LMBRD2: variants seen among roughly 807,000 people sequenced by gnomAD.
LMBRD2 encodes the protein G protein-coupled receptor-associated protein LMBRD2.
In LMBRD2, 55 loss-of-function variants were observed where a neutral mutation model predicts 94.4. The ratio of observed to expected loss-of-function variants is 0.58; its 90% CI spans 0.47 to 0.73. The LOEUF (loss-of-function observed/expected upper bound fraction) is 0.73, where lower values mean the gene tolerates loss of function less well. LMBRD2 is among the 30% of genes least tolerant of loss of function. The pLI, the probability that LMBRD2 is intolerant of heterozygous loss-of-function variation, is 0.00. For missense variants in LMBRD2, 640 were observed against 831.9 expected (o/e 0.77, Z 2.84); for synonymous variants, 246 against 272.4 (o/e 0.90, Z 0.95).
chr5:36,113,235 T>A (rs1743656372), intron 13 of LMBRD2, among the ~76,000 whole-genome samples: 1 of 152,120 alleles, frequency 6.6e-6, no homozygotes, highest in Non-Finnish European at 1.5e-5. Context: ...TGAAAATCCC[T>A]GTCCTGTTCT....
chr5:36,140,607 T>C (rs539650225), intron 4 of LMBRD2, among the ~76,000 whole-genome samples: 1 of 152,326 alleles, frequency 6.6e-6, no homozygotes, highest in South Asian at 2.1e-4. Context: ...AGCTGCCGTC[T>C]GATGACTCCT....
Position 36,143,386 on chromosome 5 carries a change from A to G in LMBRD2, c.-37T>C. ...TCACTCTGACTAACCAAAGTTATTCATGTACAGGTCTGGACCATATCTATA... is the reference window on the plus strand; with the variant it reads ...TCACTCTGACTAACCAAAGTTATTCGTGTACAGGTCTGGACCATATCTATA... On this transcript the variant is annotated 5_prime_UTR_variant, in exon 2 of 18. An upstream start codon of the reference 5' UTR is lost. Coordinates refer to ENST00000296603, the MANE Select transcript of LMBRD2 (RefSeq NM_001007527.2). 6.5e-7 allele frequency: 1 copy of G among 1,546,302 alleles called. No individual in the cohort carries two copies. Among genetic ancestry groups the G allele is most frequent in the Non-Finnish European group, 8.9e-7 (1 of 1,123,408 alleles).
intron 13 of LMBRD2, 47 bp downstream of exon 13, chr5:36,114,377 A>G: frequency 6.5e-7 from 1 of 1,527,570 alleles, no homozygotes. Context: ...AAGAGAAAGG[A>G]TATCCAGATT....
rs1743712466 is a variant in LMBRD2 at position 36,115,235 on chromosome 5, A to C, written c.1437-115T>G. ...ATAATTATAGCTAAAATTTTCATCT[A>C]TTTGCTTTATATATATATTGAATTC... On this transcript the variant is annotated intron_variant, in intron 11 of 17. Coordinates refer to ENST00000296603, the MANE Select transcript of LMBRD2 (RefSeq NM_001007527.2). The C allele has an allele frequency of 5.0e-6, 3 of 594,610 alleles. No homozygotes were observed. The South Asian group carries it at 6.9e-5, about 14-fold the overall frequency. 36.8% of individuals were successfully genotyped at this position (594,610 alleles called of 1,614,324 possible).
Position 36,115,192 on chromosome 5 carries a change from G to A in LMBRD2, c.1437-72C>T, listed in dbSNP as rs961225358. 1.0e-4 allele frequency: 87 copies of A among 845,136 alleles called. 2 individuals carry two copies. Among genetic ancestry groups the A allele is most frequent in the South Asian group, 5.5e-4 (31 of 56,002 alleles). The allele number at this position is 845,136 out of a possible 1,614,324, so 52.4% of individuals were successfully genotyped here. On this transcript the variant is annotated intron_variant, in intron 11 of 17. Transcript: ENST00000296603. ...AATACATTTTATAGTATACTGAGAT[G>A]TATTAAAAACATTTCAGATAATTAT...
intron 1 of LMBRD2, among the ~76,000 whole-genome samples, chr5:36,148,787 T>A (rs886431741): frequency 1.3e-5 from 2 of 152,244 alleles, no homozygotes; most frequent in Non-Finnish European, 2.9e-5. Flanking sequence ...TAATTACATG[T>A]CTCTTCTCTA....
At chr5:36,121,651 A>G (rs1743889235) in intron 9 of LMBRD2, among the ~76,000 whole-genome samples, 6 of 152,218 alleles carry the variant, frequency 3.9e-5, no homozygotes, top group Admixed American at 3.9e-4. Flanking sequence ...TTGTGATGTA[A>G]AATTACTTAA....
At position 36,114,981 on chromosome 5, in the gene LMBRD2, A is replaced by G. The variant is rs780570456; in HGVS notation, c.1542+34T>C. On this transcript the variant is annotated intron_variant, in intron 12 of 17. Transcript: ENST00000296603. ...ATAACAGCACCTCATATAGATAGTG[A>G]ACCTAAGGAATTCTATTTTCTGACC... The G allele has an allele frequency of 3.0e-6, 4 of 1,342,516 alleles. No individual in the cohort carries two copies. The Admixed American group carries it at 7.2e-5, about 24-fold the overall frequency. The allele number at this position is 1,342,516 out of a possible 1,614,324, so 83.2% of individuals were successfully genotyped here.
intron 6 of LMBRD2, among the ~76,000 whole-genome samples, chr5:36,130,059 G>C (rs1234969842): frequency 1.3e-5 from 2 of 151,734 alleles, no homozygotes; most frequent in Non-Finnish European, 2.9e-5. Context: ...AGCGGGGAGG[G>C]ATAGCATTAG....
Position 36,098,569 on chromosome 5 carries a change from A to C in LMBRD2, c.*5477T>G, listed in dbSNP as rs1743290059. 6.6e-6 allele frequency: 1 copy of C among 152,096 alleles called. No homozygotes were observed. Among genetic ancestry groups the C allele is most frequent in the Non-Finnish European group, 1.5e-5 (1 of 67,930 alleles). The allele number at this position is 152,096 out of a possible 1,614,324, so 9.4% of individuals were successfully genotyped here. A position where few individuals can be genotyped will look rare whatever the true frequency, so the allele number is the denominator to read the frequency against. On this transcript the variant is annotated 3_prime_UTR_variant, in exon 18 of 18. Transcript: ENST00000296603. ...GCAAAATTCTTATTAACTTGTAGAA[A>C]TGTAATTTATTTCATGCAAAGCTAC...
At chr5:36,114,890 C>A in intron 12 of LMBRD2, 125 bp downstream of exon 12, 1 of 688,344 alleles carries the variant, frequency 1.5e-6, no homozygotes, top group Non-Finnish European at 2.5e-6. Context: ...CGTATACAAT[C>A]TTTAAGAGAA....
chr5:36,138,511 T>C (rs1477086298), intron 4 of LMBRD2, among the ~76,000 whole-genome samples: 3 of 152,196 alleles, frequency 2.0e-5, no homozygotes, highest in Non-Finnish European at 2.9e-5. Flanking sequence ...AACTAATCTA[T>C]GGTGACGGAA....
intron 6 of LMBRD2, among the ~76,000 whole-genome samples, chr5:36,133,000 A>G (rs966812843): frequency 6.9e-6 from 1 of 145,846 alleles, no homozygotes; most frequent in Non-Finnish European, 1.5e-5. Context: ...CCTCAAAAAA[A>G]TTAAAAAAAA....
rs555355498 is a variant in LMBRD2 at position 36,131,324 on chromosome 5, G to A, written c.747+4985C>T. On this transcript the variant is annotated intron_variant, in intron 6 of 17. Transcript: ENST00000296603. Reference sequence around the variant, plus strand: ...AACCCTAAAAAACCCTGAATATACAGGGAACATACCTCAACACTATAAAAG... The same window carrying A: ...AACCCTAAAAAACCCTGAATATACAAGGAACATACCTCAACACTATAAAAG... Among the ~76,000 whole-genome samples, 5 of 152,016 alleles carry A rather than the reference G, an allele frequency of 3.3e-5. No individual in the cohort carries two copies. The South Asian group carries it at 1.0e-3, about 32-fold the overall frequency.
At chr5:36,134,846 T>G (rs1744232886) in intron 6 of LMBRD2, among the ~76,000 whole-genome samples, 1 of 152,322 alleles carries the variant, frequency 6.6e-6, no homozygotes, top group Non-Finnish European at 1.5e-5. Flanking sequence ...AATTATCATT[T>G]ATGTTAAGAC....
chr5:36,099,434 C>A lies in LMBRD2; in HGVS notation c.*4612G>T, dbSNP rs907875913. ...TTTCAAAATATGAACAAAAACAAAT[C>A]CATTGGATTGCTTTTAAAAAATATA... On this transcript the variant is annotated 3_prime_UTR_variant, in exon 18 of 18. Coordinates refer to ENST00000296603, the MANE Select transcript of LMBRD2 (RefSeq NM_001007527.2). The A allele has an allele frequency of 2.0e-5, 3 of 152,034 alleles. No homozygotes were observed. Among genetic ancestry groups the A allele is most frequent in the Admixed American group, 2.0e-4 (3 of 15,250 alleles). 9.4% of individuals were successfully genotyped at this position (152,034 alleles called of 1,614,324 possible).
At chr5:36,106,645 G>A (rs1015950014) in intron 16 of LMBRD2, among the ~76,000 whole-genome samples, 12 of 151,622 alleles carry the variant, frequency 7.9e-5, no homozygotes, top group Non-Finnish European at 1.3e-4. Context: ...GAGTAGCTGG[G>A]ATTACAGGTG....
chr5:36,137,464 A>G lies in LMBRD2; in HGVS notation c.369-23T>C, dbSNP rs202227288. ...ATCCTAGATGGATAGAAAAAATATG[A>G]TTAAAAACCCAAATAATTGATATGT... On this transcript the variant is annotated intron_variant, in intron 4 of 17. Transcript: ENST00000296603. 7.5e-6 allele frequency: 11 copies of G among 1,472,674 alleles called. No individual in the cohort carries two copies. In the Admixed American group the frequency reaches 1.2e-4, roughly 16 times the overall value. 91.2% of individuals were successfully genotyped at this position (1,472,674 alleles called of 1,614,324 possible).
chr5:36,139,141 C>T (rs1579524969), intron 4 of LMBRD2, among the ~76,000 whole-genome samples: 1 of 152,218 alleles, frequency 6.6e-6, no homozygotes, highest in Non-Finnish European at 1.5e-5. Flanking sequence ...AGCCCCCATA[C>T]CCCTACAGGC....
Sources: allele counts gnomAD v4.1 joint callset (sites outside exome capture counted in the v4.1 genomes callset), GRCh38; gene constraint gnomAD v4.1.1; transcripts MANE v1.5; gene names NCBI Gene and HGNC (gene_info 2026-07-23, HGNC 2026-07-21).